Variants in TBC1D31 observed in about 807,000 individuals in gnomAD.
TBC1D31 encodes the protein TBC1 domain family member 31.
TBC1D31 carries 99 observed loss-of-function variants against 132.9 expected under a neutral mutation model. That is an observed-to-expected ratio of 0.74 (90% confidence interval 0.63 to 0.88). The LOEUF is 0.88. Ranked by LOEUF, TBC1D31 falls within the 40% of genes least tolerant of loss-of-function variation. TBC1D31 has a pLI of 0.00. For synonymous variants in TBC1D31, 385 were observed against 419.4 expected, an observed-to-expected ratio of 0.92 and a Z score of 1.00; for missense variants, 1,134 against 1,256.6, an observed-to-expected ratio of 0.90 and a Z score of 1.48.
Position 123,148,509 on chromosome 8 carries a change from G to A in TBC1D31, c.2975-1527G>A, listed in dbSNP as rs538860395. ...TCCTAGCAATTTGGGAGACTGAGGC[G>A]GGAGGATGGCTTGAGCCCAGGAGTT... On this transcript the variant is annotated intron_variant, in intron 20 of 21. Transcript: ENST00000287380. 4.3e-4 allele frequency among the ~76,000 whole-genome samples: 66 copies of A among 151,850 alleles called. 2 individuals carry two copies. In the South Asian group the frequency reaches 0.014, roughly 32 times the overall value.
chr8:123,149,941 C>A, intron 20 of TBC1D31, 95 bp from the exon 21 acceptor site: 1 of 793,172 alleles, frequency 1.3e-6, no homozygotes, highest in Admixed American at 2.3e-5. Flanking sequence ...TTTTAGCCAT[C>A]CTTGGTGATT....
chr8:123,144,896 T>C (rs770356123), intron 20 of TBC1D31, 41 bp downstream of exon 20: 2 of 1,565,410 alleles, frequency 1.3e-6, no homozygotes, highest in African/African-American at 2.8e-5. Context: ...ATGTTACAGA[T>C]TTATTCTTTT....
At chr8:123,099,367 G>T (rs570712192) in intron 6 of TBC1D31, among the ~76,000 whole-genome samples, 3 of 152,120 alleles carry the variant, frequency 2.0e-5, no homozygotes, top group Admixed American at 6.5e-5. Context: ...TGATCCGCCC[G>T]TGTCGGCCTC....
intron 5 of TBC1D31, among the ~76,000 whole-genome samples, chr8:123,094,902 G>A (rs1025384810): frequency 6.6e-6 from 1 of 152,102 alleles, no homozygotes; most frequent in African/African-American, 2.4e-5. Context: ...TCTAGTTATT[G>A]TTCAAACATC....
At chr8:123,101,072 T>A (rs759220343) in intron 7 of TBC1D31, 65 bp downstream of exon 7, 1 of 1,203,268 alleles carries the variant, frequency 8.3e-7, no homozygotes, top group Non-Finnish European at 1.2e-6. Context: ...TCATCAAGAA[T>A]AAAATCTTTA....
chr8:123,142,458 T>TA lies in TBC1D31; in HGVS notation c.2835+8dup, dbSNP rs145049154. ...ATGGTGGAGGAGGAAGCCAAGAAGG[T>TA]AAAAAATAGTGTTATAAACTTTTTA... is the stretch of plus-strand genomic sequence containing the variant. On this transcript the variant is annotated splice_region_variant and intron_variant, in intron 19 of 21. Coordinates refer to ENST00000287380, the MANE Select transcript of TBC1D31 (RefSeq NM_145647.4). The TA allele has an allele frequency of 2.5e-3, 3,825 of 1,537,026 alleles. 91 individuals are homozygous for TA. The African/African-American group carries it at 0.049, about 20-fold the overall frequency.
Position 123,072,780 on chromosome 8 carries a change from C to T in TBC1D31, c.11C>T (p.Thr4Ile). ...TGGGCAAGCTTCGCCATGCAGAGCA[C>T]TGACCTAGGCAACAAGGAGAGCGGC... MQSTDLGNKESGKI... is the reference protein window; with the variant it reads MQSIDLGNKESGKI... The change falls in exon 1 of 22, where the codon ACT (threonine) becomes ATT (isoleucine). Residue 4 changes from threonine (T) to isoleucine (I), a missense_variant. By Grantham distance (89) the Thr-to-Ile change is moderately conservative (BLOSUM62 -1). Transcript: ENST00000287380. 6.4e-7 allele frequency: 1 copy of T among 1,568,392 alleles called. No homozygotes were observed. The highest frequency in any genetic ancestry group is 1.2e-5 in the South Asian group (1 of 85,314).
chr8:123,147,231 G>A (rs1822307623), intron 20 of TBC1D31, among the ~76,000 whole-genome samples: 1 of 151,628 alleles, frequency 6.6e-6, no homozygotes, highest in African/African-American at 2.4e-5. Flanking sequence ...GGAGTGCAGT[G>A]GCACAATCTC....
At chr8:123,096,114 C>T (rs1586600222) in intron 5 of TBC1D31, among the ~76,000 whole-genome samples, 1 of 152,308 alleles carries the variant, frequency 6.6e-6, no homozygotes, top group Middle Eastern at 3.4e-3. Flanking sequence ...TAGTCATTCT[C>T]TACACAGCAG....
At chr8:123,113,073 G>C (rs564562705) in intron 10 of TBC1D31, among the ~76,000 whole-genome samples, 1 of 152,162 alleles carries the variant, frequency 6.6e-6, no homozygotes, top group South Asian at 2.1e-4. Context: ...TGATGATTTT[G>C]TGCATTCTTC....
intron 13 of TBC1D31, among the ~76,000 whole-genome samples, chr8:123,127,364 G>A (rs771785247): frequency 1.4e-4 from 18 of 131,624 alleles, no homozygotes; most frequent in Middle Eastern, 5.0e-3. Context: ...TCTGCCTCCC[G>A]GGTTCAAGAG....
intron 16 of TBC1D31, among the ~76,000 whole-genome samples, chr8:123,133,856 T>A (rs901015529): frequency 7.9e-5 from 12 of 152,216 alleles, no homozygotes; most frequent in Non-Finnish European, 1.6e-4. Flanking sequence ...TAAGAACTGC[T>A]ATCTGTTCTT....
intron 2 of TBC1D31, among the ~76,000 whole-genome samples, chr8:123,077,485 T>C (rs867730368): frequency 1.3e-5 from 2 of 151,872 alleles, no homozygotes; most frequent in Non-Finnish European, 1.5e-5. Flanking sequence ...ATAGTATCTC[T>C]AGTAGTTTCC....
At chr8:123,145,708 G>A (rs7006208) in intron 20 of TBC1D31, among the ~76,000 whole-genome samples, 30,395 of 144,442 alleles carry the variant, frequency 0.21, 3,173 homozygotes, top group African/African-American at 0.25. Flanking sequence ...AAAAAAAAAA[G>A]ATTTCCAAAA....
At chr8:123,136,597 C>A (rs979258678) in intron 17 of TBC1D31, among the ~76,000 whole-genome samples, 4 of 152,038 alleles carry the variant, frequency 2.6e-5, no homozygotes, top group Non-Finnish European at 5.9e-5. Context: ...ATTACAGGTG[C>A]CCACCACCGC....
chr8:123,093,779 A>G, intron 5 of TBC1D31, 37 bp downstream of exon 5: 1 of 1,330,512 alleles, frequency 7.5e-7, no homozygotes, highest in Non-Finnish European at 9.9e-7. Flanking sequence ...ATATTTAAGA[A>G]ATTTAATTTC....
intron 3 of TBC1D31, 122 bp downstream of exon 3, chr8:123,082,939 C>G: frequency 1.6e-6 from 1 of 643,754 alleles, no homozygotes; most frequent in Non-Finnish European, 2.7e-6. Context: ...CCTTCAGACA[C>G]TAGGTGCAAG....
At chr8:123,107,228 G>A (rs991616836) in intron 8 of TBC1D31, among the ~76,000 whole-genome samples, 1 of 152,200 alleles carries the variant, frequency 6.6e-6, no homozygotes, top group Admixed American at 6.5e-5. Context: ...GGCTGACCTT[G>A]CAAGTAAGCC....
chr8:123,094,501 A>G (rs73337868), intron 5 of TBC1D31, among the ~76,000 whole-genome samples: 19,640 of 150,654 alleles, frequency 0.13, 1,456 homozygotes, highest in African/African-American at 0.17. Flanking sequence ...CCATAGTATT[A>G]TCACACTTTA....
Sources: gnomAD v4.1 joint callset for allele counts (sites outside exome capture counted in the v4.1 genomes callset) on GRCh38, gnomAD v4.1.1 for gene constraint, MANE v1.5 for transcripts, NCBI Gene and HGNC (gene_info 2026-07-23, HGNC 2026-07-21) for gene names.